The following TBL1X variants were observed in gnomAD, a reference collection of about 807,000 sequenced individuals.
TBL1X encodes F-box-like/WD repeat-containing protein TBL1X.
Under a neutral mutation model 50.7 loss-of-function variants are expected in TBL1X, and 10 were observed. That is an observed-to-expected ratio of 0.20 (90% confidence interval 0.12 to 0.33). The LOEUF is 0.33. Among genes scored for constraint, TBL1X ranks in the 10% least tolerant of loss-of-function variants. TBL1X has a pLI of 1.00. For synonymous variants in TBL1X, 190 were observed against 214.7 expected (o/e 0.88, Z 1.01); for missense variants, 340 against 504.4 (o/e 0.67, Z 3.12).
chrX:9,694,038 G>A (rs1483421542), intron 11 of TBL1X, among the ~76,000 whole-genome samples: 1 of 110,266 alleles, frequency 9.1e-6, no homozygotes, highest in Non-Finnish European at 1.9e-5. Flanking sequence ...GTAAGGGGAC[G>A]CAGACTCCAT....
intron 7 of TBL1X, among the ~76,000 whole-genome samples, chrX:9,690,167 C>T (rs2083088297): frequency 8.9e-6 from 1 of 112,491 alleles, no homozygotes; most frequent in Non-Finnish European, 1.9e-5. Flanking sequence ...ACTTTCTTTA[C>T]AGGGACAGAC....
intron 2 of TBL1X, among the ~76,000 whole-genome samples, chrX:9,601,776 C>T (rs1012353251): frequency 7.2e-5 from 8 of 111,811 alleles, no homozygotes; most frequent in African/African-American, 2.6e-4. Context: ...TTTGGCCGGG[C>T]GCAGTGGCTC....
At chrX:9,543,369 C>T (rs752207810) in intron 2 of TBL1X, among the ~76,000 whole-genome samples, 1 of 111,945 alleles carries the variant, frequency 8.9e-6, no homozygotes, top group Non-Finnish European at 1.9e-5. Context: ...GCGTGTGTCT[C>T]ACTTTTCAGA....
intron 12 of TBL1X, 137 bp downstream of exon 12, chrX:9,697,566 G>T: frequency 1.2e-6 from 1 of 858,451 alleles, no homozygotes; most frequent in South Asian, 2.5e-5. Flanking sequence ...GAGGTCAGGA[G>T]TTCAAGACCA....
intron 2 of TBL1X, among the ~76,000 whole-genome samples, chrX:9,563,176 G>A (rs1601759549): frequency 8.9e-6 from 1 of 112,619 alleles, no homozygotes; most frequent in African/African-American, 3.2e-5. Flanking sequence ...TGCCTTCAGT[G>A]GCCTTGTTCA....
At chrX:9,502,597 G>C (rs2082006879) in intron 2 of TBL1X, among the ~76,000 whole-genome samples, 1 of 112,415 alleles carries the variant, frequency 8.9e-6, no homozygotes, top group South Asian at 3.7e-4. Flanking sequence ...ATTCATTTCT[G>C]TCTTGCTCCA....
intron 2 of TBL1X, among the ~76,000 whole-genome samples, chrX:9,606,836 G>A (rs1291491540): frequency 8.9e-6 from 1 of 112,076 alleles, no homozygotes; most frequent in Non-Finnish European, 1.9e-5. Context: ...CTATAAATTT[G>A]CGTTAATCTT....
At chrX:9,649,534 A>G (rs1482119187) in intron 3 of TBL1X, among the ~76,000 whole-genome samples, 1 of 112,545 alleles carries the variant, frequency 8.9e-6, no homozygotes, top group Admixed American at 9.4e-5. Context: ...ATCAGAAAGC[A>G]GAAAGCCAGA....
At chrX:9,503,741 C>T (rs1390778012) in intron 2 of TBL1X, among the ~76,000 whole-genome samples, 1 of 112,723 alleles carries the variant, frequency 8.9e-6, no homozygotes. Flanking sequence ...CGCTTCCCTG[C>T]TGGATCTCCA....
intron 2 of TBL1X, among the ~76,000 whole-genome samples, chrX:9,593,340 T>G (rs769686581): frequency 1.8e-5 from 2 of 109,590 alleles, no homozygotes; most frequent in South Asian, 8.2e-4. Flanking sequence ...AGGCAGAGGT[T>G]GCAGTGAGCT....
chrX:9,535,759 T>C (rs956686791), intron 2 of TBL1X, among the ~76,000 whole-genome samples: 3 of 112,226 alleles, frequency 2.7e-5, no homozygotes, highest in African/African-American at 9.7e-5. Flanking sequence ...TAGGACTACC[T>C]CTCTACTTGA....
chrX:9,641,926 A>G (rs1457954671), intron 3 of TBL1X, among the ~76,000 whole-genome samples: 4 of 111,815 alleles, frequency 3.6e-5, no homozygotes, highest in African/African-American at 1.3e-4. Flanking sequence ...CACATATACA[A>G]GTTTTTTTGT....
chrX:9,665,489 CTATATATATATATATATATATATATA>C (rs56756151), intron 5 of TBL1X, among the ~76,000 whole-genome samples: 592 of 19,807 alleles, frequency 0.03, 65 homozygotes, highest in South Asian at 0.17. Flanking sequence ...GATATTCAAG[CTATATATATATATATATATATATATA>C]TATATATATA....
intron 1 of TBL1X, among the ~76,000 whole-genome samples, chrX:9,467,457 C>G (rs1197554802): frequency 4.5e-5 from 5 of 112,197 alleles, no homozygotes; most frequent in Non-Finnish European, 5.6e-5. Context: ...GGACCATCCT[C>G]CCACTGCTTT....
At chrX:9,605,138 G>A (rs1381741305) in intron 2 of TBL1X, among the ~76,000 whole-genome samples, 1 of 110,426 alleles carries the variant, frequency 9.1e-6, no homozygotes, top group Non-Finnish European at 1.9e-5. Flanking sequence ...TCACCCAGGT[G>A]ACATGACACA....
At chrX:9,513,821 G>A (rs1310011650) in intron 2 of TBL1X, among the ~76,000 whole-genome samples, 3 of 108,841 alleles carry the variant, frequency 2.8e-5, no homozygotes, top group South Asian at 4.0e-4. Context: ...CATGGTGCCG[G>A]CATCTGCTTG....
chrX:9,587,008 T>A (rs2082473546), intron 2 of TBL1X, among the ~76,000 whole-genome samples: 1 of 112,430 alleles, frequency 8.9e-6, no homozygotes, highest in African/African-American at 3.2e-5. Context: ...CTTGTCAGTA[T>A]AATAATTGTA....
intron 1 of TBL1X, 123 bp downstream of exon 1, chrX:9,465,570 C>G (rs905499024): frequency 8.9e-6 from 1 of 112,263 alleles, no homozygotes; most frequent in Non-Finnish European, 1.9e-5. Flanking sequence ...TCCACCCGCC[C>G]CTGGAACTCC....
At chrX:9,613,208 A>G (rs1454330934) in intron 2 of TBL1X, among the ~76,000 whole-genome samples, 1 of 111,333 alleles carries the variant, frequency 9.0e-6, no homozygotes, top group East Asian at 2.8e-4. Context: ...CATGTGGACT[A>G]CTTAAAGAGG....
Sources: gnomAD v4.1 joint callset for allele counts (sites outside exome capture counted in the v4.1 genomes callset) on GRCh38, gnomAD v4.1.1 for gene constraint, MANE v1.5 for transcripts, NCBI Gene and HGNC (gene_info 2026-07-23, HGNC 2026-07-21) for gene names.